Variants in TPP2 observed in about 807,000 individuals in gnomAD.
TPP2 encodes the protein tripeptidyl-peptidase 2.
TPP2 carries 34 observed loss-of-function variants against 155.9 expected under a neutral mutation model. That is an observed-to-expected ratio of 0.22 (90% confidence interval 0.17 to 0.29). The LOEUF (loss-of-function observed/expected upper bound fraction) is 0.29. Ranked by LOEUF, TPP2 falls within the 10% of genes least tolerant of loss-of-function variation. The probability of loss-of-function intolerance (pLI) is 1.00; values close to 1 mark genes in which losing one functional copy is unlikely to be tolerated. For synonymous variants in TPP2, 510 were observed against 529.4 expected, an observed-to-expected ratio of 0.96 and a Z score of 0.50; for missense variants, 1,028 against 1,522.3, an observed-to-expected ratio of 0.68 and a Z score of 5.40.
At chr13:102,597,449 C>T (rs1879054867) in intron 1 of TPP2, among the ~76,000 whole-genome samples, 1 of 152,160 alleles carries the variant, frequency 6.6e-6, no homozygotes, top group Non-Finnish European at 1.5e-5. Context: ...CAGGTTGGGC[C>T]GTGGTCCCCC....
intron 27 of TPP2, among the ~76,000 whole-genome samples, chr13:102,665,270 A>T (rs1884515903): frequency 1.3e-5 from 2 of 152,230 alleles, no homozygotes; most frequent in South Asian, 2.1e-4. Flanking sequence ...AATAATTTTT[A>T]AAATGTTTAT....
chr13:102,614,759 C>G (rs1029368166), intron 3 of TPP2, among the ~76,000 whole-genome samples: 2 of 152,114 alleles, frequency 1.3e-5, no homozygotes, highest in African/African-American at 4.8e-5. Flanking sequence ...TAAAACAGTT[C>G]AATAGAACTT....
intron 19 of TPP2, among the ~76,000 whole-genome samples, chr13:102,645,287 C>G (rs1883030025): frequency 6.6e-6 from 1 of 152,188 alleles, no homozygotes; most frequent in African/African-American, 2.4e-5. Context: ...TGTAAAATAG[C>G]AAGTTAACAT....
Position 102,657,211 on chromosome 13 carries a change from G to A in TPP2, c.3143+4G>A. ...TTAAAATTCAGTGGATGACAAAGTAGGTTTTTAAATGTATTTTAATTCTTT... is the reference window on the plus strand; with the variant it reads ...TTAAAATTCAGTGGATGACAAAGTAAGTTTTTAAATGTATTTTAATTCTTT... On this transcript the variant is annotated splice_donor_region_variant and intron_variant, in intron 25 of 29. Transcript: ENST00000376052. 6.4e-7 allele frequency: 1 copy of A among 1,561,996 alleles called. No individual in the cohort carries two copies.
intron 2 of TPP2, among the ~76,000 whole-genome samples, chr13:102,608,711 C>T (rs1880035055): frequency 6.6e-6 from 1 of 151,586 alleles, no homozygotes; most frequent in Non-Finnish European, 1.5e-5. Context: ...TGTTTCTTCC[C>T]TCCCCTTCCT....
chr13:102,635,452 A>G, intron 11 of TPP2, 135 bp from the exon 12 acceptor site: 1 of 598,260 alleles, frequency 1.7e-6, no homozygotes, highest in Non-Finnish European at 2.9e-6. Flanking sequence ...CAGGTCTTCA[A>G]AAAAGATTTT....
chr13:102,626,773 G>A, intron 6 of TPP2: 2 of 301,518 alleles, frequency 6.6e-6, no homozygotes, highest in Non-Finnish European at 1.2e-5. Flanking sequence ...TTTGAAGGGG[G>A]GATTCTCCCT....
At chr13:102,597,349 C>T (rs1474956988) in intron 1 of TPP2, 146 bp downstream of exon 1, 1 of 438,426 alleles carries the variant, frequency 2.3e-6, no homozygotes, top group African/African-American at 2.1e-5. Flanking sequence ...GGGCAGAGGT[C>T]AGAGCCAGGC....
chr13:102,603,394 A>C (rs1234406849), intron 1 of TPP2, among the ~76,000 whole-genome samples: 2 of 152,194 alleles, frequency 1.3e-5, no homozygotes, highest in Admixed American at 1.3e-4. Context: ...AAAATAATCC[A>C]GTTTAGGATG....
intron 10 of TPP2, among the ~76,000 whole-genome samples, chr13:102,632,744 A>G (rs1396751435): frequency 6.6e-6 from 1 of 152,172 alleles, no homozygotes; most frequent in Non-Finnish European, 1.5e-5. Context: ...GTAGAAAATC[A>G]CCCTAAACCT....
intron 25 of TPP2, among the ~76,000 whole-genome samples, chr13:102,660,562 T>G (rs1884142662): frequency 6.6e-6 from 1 of 152,256 alleles, no homozygotes; most frequent in African/African-American, 2.4e-5. Context: ...ATTACACTAT[T>G]CTTCATATTG....
At chr13:102,647,134 A>T in intron 20 of TPP2, 73 bp from the exon 21 acceptor site, 2 of 1,458,284 alleles carry the variant, frequency 1.4e-6, no homozygotes, top group African/African-American at 1.4e-5. Context: ...TCTCATGTCA[A>T]TAACAATATT....
intron 4 of TPP2, among the ~76,000 whole-genome samples, chr13:102,617,663 C>T (rs888293966): frequency 2.0e-5 from 3 of 152,192 alleles, no homozygotes; most frequent in Non-Finnish European, 2.9e-5. Context: ...TATTTCTTCC[C>T]TCTAGGTTAA....
intron 25 of TPP2, among the ~76,000 whole-genome samples, chr13:102,660,522 C>CTT (rs1232407107): frequency 6.6e-6 from 1 of 152,146 alleles, no homozygotes; most frequent in Non-Finnish European, 1.5e-5. Context: ...AAAAGGTATT[C>CTT]TTTGTCTGTG....
rs940798407 is a variant in TPP2, at chr13:102,679,438, T to C, written c.*1122T>C. 2.8e-4 allele frequency: 42 copies of C among 152,236 alleles called. No individual in the cohort carries two copies. Among genetic ancestry groups the C allele is most frequent in the African/African-American group, 1.0e-3 (42 of 41,464 alleles). The allele number at this position is 152,236 out of a possible 1,614,324, so 9.4% of individuals were successfully genotyped here. A position where few individuals can be genotyped will look rare whatever the true frequency, so the allele number is the denominator to read the frequency against. Reference sequence around the variant, plus strand: ...CAGACAAAAGTAGTATTGAAAAGTTTACAGTCCCTTATCTAATGGCAAATT... The same window carrying C: ...CAGACAAAAGTAGTATTGAAAAGTTCACAGTCCCTTATCTAATGGCAAATT... On this transcript the variant is annotated 3_prime_UTR_variant, in exon 30 of 30. Coordinates refer to ENST00000376052, the MANE Select transcript of TPP2 (RefSeq NM_001330588.2).
chr13:102,663,114 T>TTTGA (rs200352357), intron 25 of TPP2, among the ~76,000 whole-genome samples: 12 of 96,304 alleles, frequency 1.2e-4, no homozygotes, highest in African/African-American at 4.1e-4. Context: ...TAATTTTCAG[T>TTTGA]TTGATTTATT....
intron 1 of TPP2, among the ~76,000 whole-genome samples, chr13:102,599,194 A>C (rs1043307806): frequency 3.3e-5 from 5 of 152,220 alleles, no homozygotes; most frequent in African/African-American, 1.2e-4. Context: ...ATAGAAGTTT[A>C]TGCTGGATCT....
chr13:102,619,221 C>T (rs367974212), intron 5 of TPP2, among the ~76,000 whole-genome samples: 1 of 152,218 alleles, frequency 6.6e-6, no homozygotes, highest in African/African-American at 2.4e-5. Flanking sequence ...TACGCTGTTG[C>T]TGCTGCTGTT....
intron 10 of TPP2, among the ~76,000 whole-genome samples, chr13:102,630,446 T>C (rs1881944105): frequency 1.3e-5 from 2 of 152,168 alleles, no homozygotes; most frequent in Non-Finnish European, 2.9e-5. Context: ...TAATTCTTCA[T>C]TTATAAGAAT....
Sources: gnomAD v4.1 joint callset for allele counts (sites outside exome capture counted in the v4.1 genomes callset) on GRCh38, gnomAD v4.1.1 for gene constraint, MANE v1.5 for transcripts, NCBI Gene and HGNC (gene_info 2026-07-23, HGNC 2026-07-21) for gene names.